Variants in RIMS1 observed in about 807,000 individuals in gnomAD.
The protein encoded by RIMS1 is regulating synaptic membrane exocytosis protein 1.
RIMS1 carries 83 observed loss-of-function variants against 214.1 expected under a neutral mutation model. The ratio of observed to expected loss-of-function variants is 0.39; its 90% CI spans 0.32 to 0.47. The LOEUF is 0.47. Among genes scored for constraint, RIMS1 ranks in the 20% least tolerant of loss-of-function variants. The pLI is 0.99. For missense variants in RIMS1, 2,050 were observed against 2,161.8 expected (o/e 0.95, Z 1.03); for synonymous variants, 793 against 786.8 (o/e 1.01, Z -0.13).
chr6:71,943,255 T>C lies in RIMS1; in HGVS notation c.165-25728T>C, dbSNP rs184490496. The stretch of plus-strand genomic sequence containing the variant: ...ATTTGGTTACCATAATTTCTGACTA[T>C]GCTTAGCTATTTGAAACCCATTATA... On this transcript the variant is annotated intron_variant, in intron 1 of 33. Transcript: ENST00000521978. Among the ~76,000 whole-genome samples the C allele has an allele frequency of 8.5e-5, 13 of 152,318 alleles. No homozygotes were observed. In the East Asian group the frequency reaches 2.3e-3, roughly 27 times the overall value.
At chr6:72,235,434 T>C (rs1288945540) in intron 7 of RIMS1, among the ~76,000 whole-genome samples, 184 bp from the exon 8 acceptor site, 1 of 152,112 alleles carries the variant, frequency 6.6e-6, no homozygotes, top group Admixed American at 6.6e-5. Flanking sequence ...CTTCCACATG[T>C]GAGTGAGAAC....
intron 4 of RIMS1, among the ~76,000 whole-genome samples, chr6:72,125,627 T>C (rs1057446414): frequency 1.2e-4 from 19 of 152,230 alleles, no homozygotes; most frequent in Non-Finnish European, 1.9e-4. Flanking sequence ...CTCACTGAGC[T>C]GCAGTGGGGT....
chr6:72,056,083 TA>T lies in RIMS1; in HGVS notation c.246-40857del, dbSNP rs11413147. 1.6e-4 allele frequency among the ~76,000 whole-genome samples: 24 copies of T among 150,876 alleles called. No homozygotes were observed. In the Middle Eastern group the frequency reaches 0.01, roughly 65 times the overall value. Reference sequence around the variant, plus strand: ...TGCACCATGGAATACTATGCAGCCATAAAAAAAAAGAGATCATGCCCTTTGC... The same window carrying T: ...TGCACCATGGAATACTATGCAGCCATAAAAAAAAGAGATCATGCCCTTTGC... On this transcript the variant is annotated intron_variant, in intron 2 of 33. Transcript: ENST00000521978.
intron 26 of RIMS1, among the ~76,000 whole-genome samples, chr6:72,300,550 A>AGCCAT (rs1486145978): frequency 6.6e-6 from 1 of 151,824 alleles, no homozygotes; most frequent in Non-Finnish European, 1.5e-5. Context: ...TGGCTTCCTC[A>AGCCAT]GTGATTGGTT....
intron 2 of RIMS1, among the ~76,000 whole-genome samples, chr6:71,996,696 G>C (rs1057007513): frequency 1.2e-4 from 18 of 152,162 alleles, no homozygotes; most frequent in African/African-American, 4.1e-4. Context: ...GACTGTGAAG[G>C]TACACACCAG....
intron 1 of RIMS1, among the ~76,000 whole-genome samples, chr6:71,957,438 G>A (rs574368533): frequency 6.2e-4 from 94 of 152,122 alleles, no homozygotes; most frequent in Non-Finnish European, 1.1e-3. Flanking sequence ...CTATCCCAAG[G>A]CTGATGAATT....
In RIMS1 at chr6:72,004,363, A is replaced by G. The variant is rs1052421587; in HGVS notation, c.245+35300A>G. Among the ~76,000 whole-genome samples the G allele has an allele frequency of 1.1e-3, 172 of 152,216 alleles. 1 individual carries two copies. Among genetic ancestry groups the G allele is most frequent in the African/African-American group, 4.1e-3 (170 of 41,534 alleles). ...ATGTGTCTTTATAGCAGCATGATTT[A>G]TAGTCCTTTGGGTATATACCCAGTA... is the stretch of plus-strand genomic sequence containing the variant. On this transcript the variant is annotated intron_variant, in intron 2 of 33. Transcript: ENST00000521978.
intron 29 of RIMS1, among the ~76,000 whole-genome samples, chr6:72,381,975 T>C (rs1027447092): frequency 1.3e-5 from 2 of 152,208 alleles, no homozygotes; most frequent in African/African-American, 4.8e-5. Flanking sequence ...TAGGAAAGAT[T>C]TGAAATATTC....
chr6:72,048,173 C>CTT (rs1409228657), intron 2 of RIMS1, among the ~76,000 whole-genome samples: 1 of 152,156 alleles, frequency 6.6e-6, no homozygotes, highest in Non-Finnish European at 1.5e-5. Flanking sequence ...TTTAAAAAAT[C>CTT]TTCATGTGGC....
intron 4 of RIMS1, among the ~76,000 whole-genome samples, chr6:72,109,040 TTATGGCTGCATAG>T (rs1278558124): frequency 6.6e-6 from 1 of 152,132 alleles, no homozygotes; most frequent in Non-Finnish European, 1.5e-5. Flanking sequence ...TCATCATTTT[TTATGGCTGCATAG>T]TATTCCATGA....
chr6:71,895,818 A>G (rs2150390782), intron 1 of RIMS1, among the ~76,000 whole-genome samples: 1 of 152,312 alleles, frequency 6.6e-6, no homozygotes, highest in East Asian at 1.9e-4. Flanking sequence ...AGGGTATGTA[A>G]AAATCAATGT....
At chr6:72,005,690 T>A (rs576570752) in intron 2 of RIMS1, among the ~76,000 whole-genome samples, 9 of 152,310 alleles carry the variant, frequency 5.9e-5, no homozygotes, top group African/African-American at 2.2e-4. Context: ...AAGAAGGCTG[T>A]TTTTAACAGT....
At chr6:72,114,457 A>G (rs188635523) in intron 4 of RIMS1, among the ~76,000 whole-genome samples, 2 of 152,134 alleles carry the variant, frequency 1.3e-5, no homozygotes, top group Non-Finnish European at 2.9e-5. Context: ...TTAAAATAAG[A>G]TCATTTGATT....
At chr6:71,975,278 C>A (rs541412465) in intron 2 of RIMS1, among the ~76,000 whole-genome samples, 33 of 152,132 alleles carry the variant, frequency 2.2e-4, no homozygotes, top group Non-Finnish European at 3.8e-4. Flanking sequence ...AAACTTGTCC[C>A]GGTTTTTCTG....
intron 2 of RIMS1, among the ~76,000 whole-genome samples, chr6:72,092,339 A>C (rs1199118644): frequency 8.8e-6 from 1 of 113,468 alleles, no homozygotes; most frequent in Non-Finnish European, 2.0e-5. Flanking sequence ...TGGCTGGTAA[A>C]ATAAGGAGCA....
At chr6:71,919,857 T>C (rs1779492922) in intron 1 of RIMS1, among the ~76,000 whole-genome samples, 1 of 152,206 alleles carries the variant, frequency 6.6e-6, no homozygotes, top group Non-Finnish European at 1.5e-5. Flanking sequence ...ACTCAAAATA[T>C]GTTGCTGGAT....
chr6:72,163,875 A>T (rs1473097031), intron 4 of RIMS1, among the ~76,000 whole-genome samples: 1 of 152,016 alleles, frequency 6.6e-6, no homozygotes, highest in Non-Finnish European at 1.5e-5. Context: ...CCGTTCTCAG[A>T]TCTCCAGCTG....
chr6:71,901,905 A>G (rs1195929446), intron 1 of RIMS1, among the ~76,000 whole-genome samples: 1 of 152,078 alleles, frequency 6.6e-6, no homozygotes, highest in Non-Finnish European at 1.5e-5. Flanking sequence ...CTACAAATTT[A>G]TGGGGTCAGC....
At chr6:72,049,319 C>A (rs537394710) in intron 2 of RIMS1, among the ~76,000 whole-genome samples, 24 of 152,096 alleles carry the variant, frequency 1.6e-4, no homozygotes, top group Non-Finnish European at 2.8e-4. Context: ...AGTTCAGAGC[C>A]CGTATTTGGG....
Sources: gnomAD v4.1 joint callset for allele counts (sites outside exome capture counted in the v4.1 genomes callset) on GRCh38, gnomAD v4.1.1 for gene constraint, MANE v1.5 for transcripts, NCBI Gene and HGNC (gene_info 2026-07-23, HGNC 2026-07-21) for gene names.